Variants in GPC6 observed in about 807,000 individuals in gnomAD.
The protein encoded by GPC6 is glypican-6.
In GPC6, 14 loss-of-function variants were observed where a neutral mutation model predicts 55.2. The observed-to-expected ratio is 0.25, with a 90% CI of 0.17 to 0.40. The LOEUF is 0.40. GPC6 is among the 10% of genes least tolerant of loss of function. The probability of loss-of-function intolerance (pLI) is 1.00; values close to 1 mark genes in which losing one functional copy is unlikely to be tolerated. For synonymous variants in GPC6, 278 were observed against 259.6 expected, an observed-to-expected ratio of 1.07 and a Z score of -0.68; for missense variants, 641 against 708.5, an observed-to-expected ratio of 0.90 and a Z score of 1.08.
At chr13:93,411,736 C>A (rs1427877723) in intron 1 of GPC6, among the ~76,000 whole-genome samples, 1 of 152,112 alleles carries the variant, frequency 6.6e-6, no homozygotes, top group Non-Finnish European at 1.5e-5. Flanking sequence ...TGCAGTCGCT[C>A]ACTCCTGTAA....
At chr13:93,273,216 TTATCTAAATCA>T (rs1877601691) in intron 1 of GPC6, among the ~76,000 whole-genome samples, 2 of 116,554 alleles carry the variant, frequency 1.7e-5, no homozygotes, top group South Asian at 6.1e-4. Flanking sequence ...AGTCTGAATC[TTATCTAAATCA>T]TATCTAGGTA....
At chr13:93,444,870 G>A (rs1877944051) in intron 1 of GPC6, among the ~76,000 whole-genome samples, 1 of 151,982 alleles carries the variant, frequency 6.6e-6, no homozygotes, top group East Asian at 1.9e-4. Flanking sequence ...TAATATTTTG[G>A]TAGTATAATT....
rs564996311 is a variant in GPC6, at chr13:93,985,867, G to A, written c.712-41862G>A. On this transcript the variant is annotated intron_variant, in intron 3 of 8. Coordinates refer to ENST00000377047, the MANE Select transcript of GPC6 (RefSeq NM_005708.5). ...CAGCCCAGGGCTAAACTAAAAAATC[G>A]GGGCTTCTGTTACCAAGAAAGAATG... 7.8e-4 allele frequency among the ~76,000 whole-genome samples: 119 copies of A among 152,008 alleles called. 1 individual carries two copies. The highest frequency in any genetic ancestry group is 2.7e-3 in the African/African-American group (112 of 41,442).
chr13:94,404,134 G>T lies in GPC6; in HGVS notation c.*917G>T, dbSNP rs192991957. 3 of 152,036 alleles carry T rather than the reference G, an allele frequency of 2.0e-5. No homozygotes were observed. The highest frequency in any genetic ancestry group is 1.3e-4 in the Admixed American group (2 of 15,274). The allele number at this position is 152,036 out of a possible 1,614,324, so 9.4% of individuals were successfully genotyped here. A position where few individuals can be genotyped will look rare whatever the true frequency, so the allele number is the denominator to read the frequency against. On this transcript the variant is annotated 3_prime_UTR_variant, in exon 9 of 9. Transcript: ENST00000377047. ...GGTTTGACATTAACTAGACGTTTCT[G>T]CCCCTGTGCTCATTACCCTCCCAAA...
At chr13:93,361,276 A>G (rs921824857) in intron 1 of GPC6, among the ~76,000 whole-genome samples, 1 of 152,136 alleles carries the variant, frequency 6.6e-6, no homozygotes, top group Non-Finnish European at 1.5e-5. Context: ...GAAAATGTTC[A>G]AAACCCCATT....
At chr13:93,373,417 G>T (rs1163518748) in intron 1 of GPC6, among the ~76,000 whole-genome samples, 1 of 152,072 alleles carries the variant, frequency 6.6e-6, no homozygotes, top group African/African-American at 2.4e-5. Flanking sequence ...TCTAAACAGG[G>T]ATCTAATTCA....
chr13:93,800,248 G>A (rs1262427008), intron 2 of GPC6, among the ~76,000 whole-genome samples: 1 of 152,152 alleles, frequency 6.6e-6, no homozygotes, highest in East Asian at 1.9e-4. Flanking sequence ...TTTTTAAACT[G>A]CATCTTATGT....
intron 2 of GPC6, among the ~76,000 whole-genome samples, chr13:93,798,938 T>G (rs116238417): frequency 1.8e-4 from 20 of 108,992 alleles, no homozygotes; most frequent in East Asian, 2.5e-4. Context: ...AAAAAAAAAA[T>G]GGTGACAACA....
At chr13:94,067,548 C>T (rs1229030732) in intron 4 of GPC6, among the ~76,000 whole-genome samples, 1 of 151,390 alleles carries the variant, frequency 6.6e-6, no homozygotes, top group Non-Finnish European at 1.5e-5. Flanking sequence ...TTAATATTCA[C>T]TGGAGTCCAT....
intron 2 of GPC6, among the ~76,000 whole-genome samples, chr13:93,758,719 C>T (rs1352239519): frequency 6.6e-6 from 1 of 151,800 alleles, no homozygotes; most frequent in Non-Finnish European, 1.5e-5. Flanking sequence ...ACCCTGGATA[C>T]CTGCCCTTTC....
At chr13:94,252,028 G>C (rs981042473) in intron 4 of GPC6, among the ~76,000 whole-genome samples, 2 of 152,024 alleles carry the variant, frequency 1.3e-5, no homozygotes, top group African/African-American at 4.8e-5. Context: ...CTTCTTTCCC[G>C]ATGTTCTCCT....
chr13:94,234,508 CTTT>C (rs56709078), intron 4 of GPC6, among the ~76,000 whole-genome samples: 61 of 136,100 alleles, frequency 4.5e-4, no homozygotes, highest in South Asian at 7.1e-4. Flanking sequence ...CTTTTGTTTG[CTTT>C]TTTTTTTTTT....
intron 1 of GPC6, among the ~76,000 whole-genome samples, chr13:93,250,613 G>A (rs544073505): frequency 5.9e-5 from 9 of 152,260 alleles, no homozygotes; most frequent in East Asian, 3.9e-4. Context: ...TCCCAGGAGG[G>A]CTCTAGGGAT....
chr13:94,046,645 T>A (rs1485698625), intron 4 of GPC6, among the ~76,000 whole-genome samples: 1 of 152,154 alleles, frequency 6.6e-6, no homozygotes, highest in Non-Finnish European at 1.5e-5. Flanking sequence ...CATGAAATTA[T>A]TATTATACCT....
intron 2 of GPC6, 56 bp downstream of exon 2, chr13:93,545,477 C>A: frequency 7.2e-6 from 10 of 1,381,804 alleles, no homozygotes; most frequent in Non-Finnish European, 1.0e-5. Flanking sequence ...CTATGAGAAT[C>A]TTGGTATCAT....
At chr13:94,350,992 G>A (rs1041818323) in intron 6 of GPC6, among the ~76,000 whole-genome samples, 1 of 152,198 alleles carries the variant, frequency 6.6e-6, no homozygotes, top group African/African-American at 2.4e-5. Context: ...AATCTCTGAA[G>A]TTTATAGACT....
At chr13:93,953,322 A>C (rs1251548011) in intron 3 of GPC6, among the ~76,000 whole-genome samples, 1 of 151,976 alleles carries the variant, frequency 6.6e-6, no homozygotes, top group Non-Finnish European at 1.5e-5. Flanking sequence ...TCATATTGTC[A>C]TCTTTATCAT....
intron 4 of GPC6, among the ~76,000 whole-genome samples, chr13:94,039,212 G>A (rs1315033869): frequency 6.6e-6 from 1 of 152,070 alleles, no homozygotes; most frequent in Non-Finnish European, 1.5e-5. Context: ...TAAAAGTCAG[G>A]CCAAATACTT....
At chr13:94,375,256 C>T (rs527285159) in intron 6 of GPC6, among the ~76,000 whole-genome samples, 1,543 of 152,016 alleles carry the variant, frequency 0.01, 39 homozygotes, top group African/African-American at 0.035. Context: ...TTAATGAATC[C>T]AGGAGCTGGT....
Sources: gnomAD v4.1 joint callset for allele counts (sites outside exome capture counted in the v4.1 genomes callset) on GRCh38, gnomAD v4.1.1 for gene constraint, MANE v1.5 for transcripts, NCBI Gene and HGNC (gene_info 2026-07-23, HGNC 2026-07-21) for gene names.